The following PCDHGA1 variants were observed in gnomAD, a reference collection of about 807,000 sequenced individuals.
The protein encoded by PCDHGA1 is protocadherin gamma subfamily A, 1.
PCDHGA1 carries 32 observed loss-of-function variants against 58.0 expected under a neutral mutation model. That is an observed-to-expected ratio of 0.55 (90% CI 0.42 to 0.74). PCDHGA1 has a LOEUF of 0.74. Ranked by LOEUF, PCDHGA1 falls within the 30% of genes least tolerant of loss-of-function variation. The pLI, the probability that PCDHGA1 is intolerant of heterozygous loss-of-function variation, is 0.00. For missense variants in PCDHGA1, 1,205 were observed against 1,182.3 expected (o/e 1.02, Z -0.28); for synonymous variants, 498 against 501.1 (o/e 0.99, Z 0.08).
intron 1 of PCDHGA1, chr5:141,383,793 A>C (rs1348224147): frequency 5.6e-6 from 9 of 1,613,998 alleles, no homozygotes; most frequent in Admixed American, 1.7e-5. Flanking sequence ...ACTCGCTTAC[A>C]GGAGAAATAT....
chr5:141,351,965 G>T lies in PCDHGA1; in HGVS notation c.2421+18860G>T, dbSNP rs779515457. Reference sequence around the variant, plus strand: ...CCCCGCGCTGGGGCCTGATGGCTCCGCCCTCTTCGATATGGTGCCACGCGC... The same window carrying T: ...CCCCGCGCTGGGGCCTGATGGCTCCTCCCTCTTCGATATGGTGCCACGCGC... On this transcript the variant is annotated intron_variant, in intron 1 of 3. Coordinates refer to ENST00000517417, the MANE Select transcript of PCDHGA1 (RefSeq NM_018912.3). The T allele has an allele frequency of 4.3e-6, 7 of 1,612,548 alleles. No homozygotes were observed. The East Asian group carries it at 8.9e-5, about 21-fold the overall frequency.
intron 1 of PCDHGA1, chr5:141,408,637 T>C (rs766685548): frequency 4.3e-6 from 7 of 1,614,044 alleles, no homozygotes; most frequent in Non-Finnish European, 5.9e-6. Context: ...TTTTCGAATC[T>C]GCATCCGCTG....
intron 1 of PCDHGA1, chr5:141,388,295 C>A (rs766909730): frequency 8.1e-6 from 13 of 1,613,442 alleles, no homozygotes; most frequent in Non-Finnish European, 1.1e-5. Flanking sequence ...CGCAAAATTC[C>A]TTTGAGCTGC....
Position 141,504,710 on chromosome 5 carries a change from G to A in PCDHGA1, c.2481-683G>A, listed in dbSNP as rs528205869. The stretch of plus-strand genomic sequence containing the variant: ...AGGAGGGGCAGGTTCTTCTATGGCC[G>A]TGGATTTTACTCTGAGGGCTTAGGA... On this transcript the variant is annotated intron_variant, in intron 2 of 3. Transcript: ENST00000517417. Among the ~76,000 whole-genome samples the A allele has an allele frequency of 1.4e-4, 21 of 151,968 alleles. No homozygotes were observed. The East Asian group carries it at 3.7e-3, about 27-fold the overall frequency.
chr5:141,478,385 T>C (rs919846683), intron 1 of PCDHGA1: 1 of 1,613,628 alleles, frequency 6.2e-7, no homozygotes, highest in Non-Finnish European at 8.5e-7. Context: ...GCCGCACCTT[T>C]ACCATCAGGT....
At chr5:141,464,470 C>T (rs1175806879) in intron 1 of PCDHGA1, among the ~76,000 whole-genome samples, 3 of 151,194 alleles carry the variant, frequency 2.0e-5, no homozygotes, top group Non-Finnish European at 2.9e-5. Flanking sequence ...GAAGTATGTA[C>T]GTATAATAAA....
Position 141,400,678 on chromosome 5 carries a change from T to A in PCDHGA1, c.2421+67573T>A. ...ACCATTCTTTAAGAGGAGCAGTAAA[T>A]TGTGAGTTTTTATGTCGCATAAAAG... On this transcript the variant is annotated intron_variant, in intron 1 of 3. Coordinates refer to ENST00000517417, the MANE Select transcript of PCDHGA1 (RefSeq NM_018912.3). 4.5e-6 allele frequency: 4 copies of A among 882,002 alleles called. No homozygotes were observed. In the South Asian group the frequency reaches 6.9e-5, roughly 15 times the overall value. The allele number at this position is 882,002 out of a possible 1,614,324, so 54.6% of individuals were successfully genotyped here.
At chr5:141,451,004 T>A (rs2098704048) in intron 1 of PCDHGA1, among the ~76,000 whole-genome samples, 1 of 151,474 alleles carries the variant, frequency 6.6e-6, no homozygotes, top group South Asian at 2.1e-4. Flanking sequence ...TTTTTGTATT[T>A]TTTTTAGTAG....
chr5:141,357,665 C>A, intron 1 of PCDHGA1: 1 of 1,599,548 alleles, frequency 6.3e-7, no homozygotes, highest in Non-Finnish European at 8.5e-7. Flanking sequence ...GAAATATAGA[C>A]AAAGAGTTGT....
At chr5:141,412,195 C>T (rs1326751515) in intron 1 of PCDHGA1, 2 of 152,208 alleles carry the variant, frequency 1.3e-5, no homozygotes, top group African/African-American at 4.8e-5. Context: ...CTGATGAAAA[C>T]AGGTCATTTG....
At chr5:141,384,745 C>G (rs1304134885) in intron 1 of PCDHGA1, 1 of 1,613,956 alleles carries the variant, frequency 6.2e-7, no homozygotes, top group African/African-American at 1.3e-5. Context: ...CGAGCCAGGA[C>G]TCTTTGCGGT....
Position 141,487,333 on chromosome 5 carries a change from C to T in PCDHGA1, c.2422-7474C>T. 6.2e-7 allele frequency: 1 copy of T among 1,614,176 alleles called. No homozygotes were observed. The highest frequency in any genetic ancestry group is 8.5e-7 in the Non-Finnish European group (1 of 1,180,022). On this transcript the variant is annotated intron_variant, in intron 1 of 3. Transcript: ENST00000517417. The surrounding 1 kb of genome is among the most constrained non-coding windows in gnomAD (Gnocchi z 5.0). ...TCTCTAAGTGTCTTCGTGGGGCAGC[C>T]TGTGGAGTCACATGCTTTCCTGCTG...
chr5:141,455,859 TATTA>T (rs2098833777), intron 1 of PCDHGA1, among the ~76,000 whole-genome samples: 1 of 143,846 alleles, frequency 7.0e-6, no homozygotes, highest in African/African-American at 2.5e-5. Flanking sequence ...TAATTTCTTT[TATTA>T]TTTATTTATT....
intron 1 of PCDHGA1, chr5:141,393,264 C>A (rs537186931): frequency 6.2e-7 from 1 of 1,613,916 alleles, no homozygotes. Flanking sequence ...TCCTGGAGCA[C>A]GTTATCCACT....
At chr5:141,509,128 A>C (rs995210331) in intron 3 of PCDHGA1, among the ~76,000 whole-genome samples, 8 of 151,958 alleles carry the variant, frequency 5.3e-5, no homozygotes, top group African/African-American at 1.7e-4. Flanking sequence ...TGAAGAGAAA[A>C]ACCGAGGCGC....
chr5:141,423,159 G>A lies in PCDHGA1; in HGVS notation c.2422-71648G>A, dbSNP rs750186629. On this transcript the variant is annotated intron_variant, in intron 1 of 3. Transcript: ENST00000517417. Reference sequence around the variant, plus strand: ...GAGACGCGCTCAAGCAGAGCCTCGTGGTGGCCGTCCAGGACCACGGCCAGC... The same window carrying A: ...GAGACGCGCTCAAGCAGAGCCTCGTAGTGGCCGTCCAGGACCACGGCCAGC... The A allele has an allele frequency of 1.9e-5, 31 of 1,610,746 alleles. 1 individual carries two copies. The highest frequency in any genetic ancestry group is 3.3e-4 in the Middle Eastern group (2 of 6,080).
Position 141,410,620 on chromosome 5 carries a change from G to A in PCDHGA1, c.2421+77515G>A, listed in dbSNP as rs765125633. 4 of 1,603,524 alleles carry A rather than the reference G, an allele frequency of 2.5e-6. No homozygotes were observed. In the South Asian group the frequency reaches 3.3e-5, roughly 13 times the overall value. On this transcript the variant is annotated intron_variant, in intron 1 of 3. Coordinates refer to ENST00000517417, the MANE Select transcript of PCDHGA1 (RefSeq NM_018912.3). The stretch of plus-strand genomic sequence containing the variant: ...CTTCACATCCTGAGACTCTGACTTC[G>A]GTGAGTTTCTCTTTTTTGTGTGTGA...
intron 1 of PCDHGA1, chr5:141,365,318 A>G (rs1588611764): frequency 1.2e-6 from 2 of 1,613,922 alleles, no homozygotes; most frequent in East Asian, 2.2e-5. Flanking sequence ...TCTTGTTGCC[A>G]GCGCTAAGGT....
rs144018757 is a variant in PCDHGA1, at chr5:141,443,001, A to G, written c.2422-51806A>G. On this transcript the variant is annotated intron_variant, in intron 1 of 3. Transcript: ENST00000517417. ...GTTAGCCTATAATTTCAGTAAATCTAAGAATATGACTAATGGAAGTTGCCA... is the reference window on the plus strand; with the variant it reads ...GTTAGCCTATAATTTCAGTAAATCTGAGAATATGACTAATGGAAGTTGCCA... Among the ~76,000 whole-genome samples the G allele has an allele frequency of 1.3e-3, 194 of 152,312 alleles. 1 individual carries two copies. The East Asian group carries it at 0.032, about 25-fold the overall frequency.
Sources: allele counts gnomAD v4.1 joint callset (sites outside exome capture counted in the v4.1 genomes callset), GRCh38; gene constraint gnomAD v4.1.1; non-coding constraint Gnocchi (gnomAD v3.1); transcripts MANE v1.5; gene names NCBI Gene and HGNC (gene_info 2026-07-23, HGNC 2026-07-21).